Variants in ABCC4 observed in about 807,000 individuals in gnomAD.
ABCC4 encodes the protein ATP binding cassette subfamily C member 4 (PEL blood group).
A neutral mutation model predicts 168.5 loss-of-function variants in ABCC4; 102 were observed. The ratio of observed to expected loss-of-function variants is 0.61; its 90% CI spans 0.52 to 0.71. ABCC4 has a LOEUF of 0.71. Among genes scored for constraint, ABCC4 ranks in the 30% least tolerant of loss-of-function variants. The pLI is 0.00. For synonymous variants in ABCC4, 617 were observed against 590.7 expected (o/e 1.04, Z -0.65); for missense variants, 1,402 against 1,605.8 (o/e 0.87, Z 2.17).
At chr13:95,147,153 A>T (rs1161094580) in intron 19 of ABCC4, among the ~76,000 whole-genome samples, 2 of 152,186 alleles carry the variant, frequency 1.3e-5, no homozygotes, top group African/African-American at 4.8e-5. Context: ...ACTATCTGGC[A>T]AGCAGGTGGA....
At chr13:95,218,995 G>GAAAGGAAGGAAGGAAAAGA (rs2039233583) in intron 4 of ABCC4, among the ~76,000 whole-genome samples, 2 of 49,750 alleles carry the variant, frequency 4.0e-5, no homozygotes, top group African/African-American at 7.7e-5. Context: ...GAGTGAGAAA[G>GAAAGGAAGGAAGGAAAAGA]AAAGAAAGAG....
At chr13:95,159,094 T>TATATAA (rs1491230001) in intron 19 of ABCC4, among the ~76,000 whole-genome samples, 70 of 3,686 alleles carry the variant, frequency 0.019, 1 homozygote, top group African/African-American at 0.13. Flanking sequence ...AAATAAATTT[T>TATATAA]ATATATATAT....
chr13:95,135,724 A>G (rs1367432760), intron 19 of ABCC4, among the ~76,000 whole-genome samples: 2 of 152,238 alleles, frequency 1.3e-5, no homozygotes, highest in East Asian at 1.9e-4. Flanking sequence ...CATAATTCCT[A>G]TATTAAAGAT....
At chr13:95,068,966 G>A (rs1046053984) in intron 25 of ABCC4, among the ~76,000 whole-genome samples, 1 of 152,202 alleles carries the variant, frequency 6.6e-6, no homozygotes, top group African/African-American at 2.4e-5. Context: ...CTGCAGAGTG[G>A]TCTCCACCTT....
At chr13:95,124,121 C>T (rs561303672) in intron 19 of ABCC4, among the ~76,000 whole-genome samples, 70 of 152,224 alleles carry the variant, frequency 4.6e-4, no homozygotes, top group Non-Finnish European at 7.2e-4. Context: ...GCTAAAAATT[C>T]CTTGTACTTA....
At chr13:95,191,335 C>G in intron 9 of ABCC4, among the ~76,000 whole-genome samples, 1 of 152,046 alleles carries the variant, frequency 6.6e-6, no homozygotes, top group East Asian at 1.9e-4. Context: ...TGTCCCATAC[C>G]ACATCATAGG....
intron 4 of ABCC4, among the ~76,000 whole-genome samples, chr13:95,230,173 GCA>G (rs2039581226): frequency 6.6e-6 from 1 of 152,280 alleles, no homozygotes; most frequent in Admixed American, 6.5e-5. Flanking sequence ...AGCCTGTGCT[GCA>G]CAGTCTTTTT....
At chr13:95,032,670 C>T (rs1158170774) in intron 30 of ABCC4, among the ~76,000 whole-genome samples, 1 of 148,464 alleles carries the variant, frequency 6.7e-6, no homozygotes, top group African/African-American at 2.5e-5. Flanking sequence ...TTTCTTTTTT[C>T]TTTTTTTTTT....
intron 1 of ABCC4, among the ~76,000 whole-genome samples, chr13:95,258,555 A>C (rs1437057483): frequency 2.0e-5 from 3 of 151,612 alleles, no homozygotes; most frequent in Admixed American, 6.6e-5. Context: ...GTGTAGATAC[A>C]AAAAAATGCA....
intron 19 of ABCC4, among the ~76,000 whole-genome samples, chr13:95,119,115 G>C (rs749071437): frequency 2.0e-5 from 3 of 152,096 alleles, no homozygotes; most frequent in African/African-American, 7.2e-5. Context: ...TCAGGGTCAG[G>C]ATATATCCCA....
chr13:95,299,205 G>A (rs1001763461), intron 1 of ABCC4, among the ~76,000 whole-genome samples: 3 of 149,520 alleles, frequency 2.0e-5, no homozygotes, highest in Non-Finnish European at 4.4e-5. Flanking sequence ...GCTGCAGCAA[G>A]CTATGAATGT....
chr13:95,159,852 A>G (rs2037031612), intron 19 of ABCC4, among the ~76,000 whole-genome samples: 1 of 152,242 alleles, frequency 6.6e-6, no homozygotes, highest in African/African-American at 2.4e-5. Flanking sequence ...CACAAAAATC[A>G]TGTAAAACAG....
At chr13:95,262,140 T>A in intron 1 of ABCC4, among the ~76,000 whole-genome samples, 1 of 152,166 alleles carries the variant, frequency 6.6e-6, no homozygotes, top group East Asian at 1.9e-4. Flanking sequence ...AGCAGCAGCC[T>A]GGGAGCACAG....
At chr13:95,247,432 T>G (rs2040135490) in intron 2 of ABCC4, among the ~76,000 whole-genome samples, 1 of 152,166 alleles carries the variant, frequency 6.6e-6, no homozygotes, top group South Asian at 2.1e-4. Flanking sequence ...CCTTTGGTGC[T>G]GGCTCCCCTG....
chr13:95,195,987 C>G (rs74105457), intron 8 of ABCC4, among the ~76,000 whole-genome samples: 4,316 of 152,204 alleles, frequency 0.028, 148 homozygotes, highest in East Asian at 0.099. Context: ...CAGAACGGAC[C>G]AATCTCTCGC....
At chr13:95,160,861 A>T (rs1269929431) in intron 19 of ABCC4, among the ~76,000 whole-genome samples, 2 of 152,238 alleles carry the variant, frequency 1.3e-5, no homozygotes, top group Non-Finnish European at 2.9e-5. Context: ...ATTCAACTAC[A>T]TTTAAACATG....
intron 4 of ABCC4, among the ~76,000 whole-genome samples, chr13:95,211,462 G>A (rs2038954433): frequency 6.6e-6 from 1 of 152,168 alleles, no homozygotes; most frequent in African/African-American, 2.4e-5. Flanking sequence ...ACTTTATGGA[G>A]GGAAGGGAAG....
chr13:95,208,142 A>G (rs2038835419), intron 6 of ABCC4, among the ~76,000 whole-genome samples: 1 of 152,230 alleles, frequency 6.6e-6, no homozygotes, highest in South Asian at 2.1e-4. Flanking sequence ...AATTTGTAAT[A>G]TCTGCTGAGG....
intron 4 of ABCC4, among the ~76,000 whole-genome samples, chr13:95,224,836 G>T (rs1343691419): frequency 1.3e-5 from 2 of 152,064 alleles, no homozygotes; most frequent in African/African-American, 4.8e-5. Context: ...GGAATGAAGA[G>T]CACCAGAAAT....
Sources: gnomAD v4.1 joint callset for allele counts (sites outside exome capture counted in the v4.1 genomes callset) on GRCh38, gnomAD v4.1.1 for gene constraint, MANE v1.5 for transcripts, NCBI Gene and HGNC (gene_info 2026-07-23, HGNC 2026-07-21) for gene names.